The following DCAF6 variants were observed in gnomAD, a reference collection of about 807,000 sequenced individuals.
DCAF6 encodes DDB1- and CUL4-associated factor 6.
In DCAF6, 54 loss-of-function variants were observed where a neutral mutation model predicts 125.1. The observed-to-expected ratio is 0.43, with a 90% CI of 0.35 to 0.54. The LOEUF is 0.54. DCAF6 is among the 20% of genes least tolerant of loss of function. The pLI, the probability that DCAF6 is intolerant of heterozygous loss-of-function variation, is 0.01. For missense variants in DCAF6, 934 were observed against 1,161.7 expected, an observed-to-expected ratio of 0.80 and a Z score of 2.85; for synonymous variants, 371 against 390.4, an observed-to-expected ratio of 0.95 and a Z score of 0.58.
chr1:168,003,323 G>A (rs911413710), intron 8 of DCAF6, among the ~76,000 whole-genome samples: 6 of 152,102 alleles, frequency 3.9e-5, no homozygotes, highest in African/African-American at 1.2e-4. Flanking sequence ...TTTACTTGCA[G>A]GAGGAAAAGG....
intron 5 of DCAF6, among the ~76,000 whole-genome samples, chr1:167,988,753 A>G (rs1434036120): frequency 6.6e-6 from 1 of 152,170 alleles, no homozygotes; most frequent in African/African-American, 2.4e-5. Flanking sequence ...TATTTTATAT[A>G]TTTGAAACAG....
chr1:167,983,048 C>G (rs564902540), intron 4 of DCAF6, among the ~76,000 whole-genome samples: 57 of 152,236 alleles, frequency 3.7e-4, no homozygotes, highest in African/African-American at 1.3e-3. Context: ...CAGTACTATG[C>G]TGTTTTGGTT....
At chr1:167,983,946 C>T (rs1679566009) in intron 4 of DCAF6, among the ~76,000 whole-genome samples, 1 of 152,100 alleles carries the variant, frequency 6.6e-6, no homozygotes, top group Non-Finnish European at 1.5e-5. Flanking sequence ...GAGGATAGGG[C>T]ATTTGGGGGA....
intron 7 of DCAF6, among the ~76,000 whole-genome samples, chr1:167,995,413 CTTACGCCTGTAAT>C (rs1681500973): frequency 6.6e-6 from 1 of 152,182 alleles, no homozygotes; most frequent in African/African-American, 2.4e-5. Context: ...GGCGTAGTGG[CTTACGCCTGTAAT>C]CCTAGCACTT....
intron 12 of DCAF6, among the ~76,000 whole-genome samples, chr1:168,034,762 G>C (rs992962029): frequency 6.6e-6 from 1 of 151,980 alleles, no homozygotes; most frequent in Non-Finnish European, 1.5e-5. Flanking sequence ...AACCTTAAGG[G>C]TTTTAAATAA....
At chr1:167,921,497 C>T in the DCAF6 span, among the ~76,000 whole-genome samples, 25 of 152,198 alleles carry the variant, frequency 1.6e-4, no homozygotes, top group Non-Finnish European at 2.8e-4. Context: ...GCTGGGATTA[C>T]AGGTGTGAGC....
intron 1 of DCAF6, among the ~76,000 whole-genome samples, chr1:167,939,636 G>A (rs1352769134): frequency 3.3e-5 from 5 of 152,102 alleles, no homozygotes; most frequent in Non-Finnish European, 5.9e-5. Context: ...GGTGGCGTAC[G>A]CCTGTAGTCT....
chr1:168,052,061 T>C (rs1690009554), intron 17 of DCAF6, among the ~76,000 whole-genome samples: 1 of 151,998 alleles, frequency 6.6e-6, no homozygotes. Flanking sequence ...TTTGTGTTTT[T>C]AGTAGAGACA....
Position 168,066,557 on chromosome 1 carries a change from A to G in DCAF6, c.2685+92A>G, listed in dbSNP as rs1386001813. 8 of 860,398 alleles carry G rather than the reference A, an allele frequency of 9.3e-6. No homozygotes were observed. In the East Asian group the frequency reaches 1.8e-4, roughly 20 times the overall value. 53.3% of individuals were successfully genotyped at this position (860,398 alleles called of 1,614,324 possible). ...AAATTAAAAGTTATTAGTTGCTAAC[A>G]TGAAACAAGTTAATGCAGTTAAGGA... On this transcript the variant is annotated intron_variant, in intron 20 of 21. Transcript: ENST00000367840.
Position 168,015,947 on chromosome 1 carries a change from T to A in DCAF6, c.1545T>A (p.Ala515=). ...SHEGSSQDPH[A]SDSPSSVVNK... ...AGGGCTCTTCACAGGACCCTCATGC[T>A]TCAGGTTATTAATGTCAAGTGTCCT... The change falls in exon 11 of 22, where the codon GCT becomes GCA. Residue 515 remains alanine, a synonymous_variant. Coordinates refer to ENST00000367840, the MANE Select transcript of DCAF6 (RefSeq NM_001198956.2). 1 of 1,488,684 alleles carries A rather than the reference T, an allele frequency of 6.7e-7. No homozygotes were observed. Among genetic ancestry groups the A allele is most frequent in the Non-Finnish European group, 9.0e-7 (1 of 1,115,946 alleles). 92.2% of individuals were successfully genotyped at this position (1,488,684 alleles called of 1,614,324 possible).
chr1:167,900,429 A>C, the DCAF6 span, among the ~76,000 whole-genome samples: 2 of 152,222 alleles, frequency 1.3e-5, no homozygotes, highest in East Asian at 1.9e-4. Flanking sequence ...GGTTCCCATC[A>C]TTCTCAAGAA....
chr1:168,048,653 C>T (rs2101829739), intron 16 of DCAF6, among the ~76,000 whole-genome samples: 1 of 152,240 alleles, frequency 6.6e-6, no homozygotes, highest in Admixed American at 6.5e-5. Context: ...ATGCTCTTCT[C>T]ATTAACTACA....
chr1:168,031,351 G>A (rs148744677), intron 12 of DCAF6, among the ~76,000 whole-genome samples: 1 of 152,290 alleles, frequency 6.6e-6, no homozygotes, highest in African/African-American at 2.4e-5. Flanking sequence ...GTGATCAAGA[G>A]AAATTTTCAA....
At chr1:167,966,459 T>G (rs1676442067) in intron 2 of DCAF6, among the ~76,000 whole-genome samples, 170 bp from the exon 3 acceptor site, 1 of 152,226 alleles carries the variant, frequency 6.6e-6, no homozygotes, top group Non-Finnish European at 1.5e-5. Context: ...ACAATTCTTC[T>G]TCTTCTACTG....
chr1:167,889,394 C>G, the DCAF6 span, among the ~76,000 whole-genome samples: 1 of 146,038 alleles, frequency 6.8e-6, no homozygotes, highest in African/African-American at 2.5e-5. Flanking sequence ...TTGCATATGT[C>G]CAACCACCCT....
chr1:168,029,242 CTG>C (rs1423420773), intron 12 of DCAF6, among the ~76,000 whole-genome samples: 2 of 152,134 alleles, frequency 1.3e-5, no homozygotes, highest in Non-Finnish European at 2.9e-5. Flanking sequence ...GTGACTAGCA[CTG>C]TGTTAAGAAT....
chr1:167,894,619 ATG>A, the DCAF6 span, among the ~76,000 whole-genome samples: 183 of 151,304 alleles, frequency 1.2e-3, no homozygotes, highest in Non-Finnish European at 2.2e-3. Flanking sequence ...GTGAAAAAAA[ATG>A]TGTGTGTGTG....
At chr1:168,056,023 C>G (rs575089345) in intron 17 of DCAF6, 1 of 1,602,462 alleles carries the variant, frequency 6.2e-7, no homozygotes, top group East Asian at 2.2e-5. Flanking sequence ...GATTTGTTTA[C>G]AAGTCCTGGA....
rs1673720037 is a variant in DCAF6, at chr1:167,950,250, C to CTTCCTATTCAAATACT, written c.98-1549_98-1548insTCCTATTCAAATACTT. Among the ~76,000 whole-genome samples the CTTCCTATTCAAATACT allele has an allele frequency of 2.6e-5, 4 of 152,110 alleles. No homozygotes were observed. In the South Asian group the frequency reaches 8.3e-4, roughly 32 times the overall value. On this transcript the variant is annotated intron_variant, in intron 1 of 21. Transcript: ENST00000367840. ...TTAATTTGAATACTTTGTTTCTTAA[C>CTTCCTATTCAAATACT]TCGTATAACTCAATGAGATTACCAA... is the stretch of plus-strand genomic sequence containing the variant.
Sources: gnomAD v4.1 joint callset for allele counts (sites outside exome capture counted in the v4.1 genomes callset) on GRCh38, gnomAD v4.1.1 for gene constraint, MANE v1.5 for transcripts, NCBI Gene and HGNC (gene_info 2026-07-23, HGNC 2026-07-21) for gene names.